The following IDE variants were observed in gnomAD, a reference collection of about 807,000 sequenced individuals.
The protein encoded by IDE is insulin-degrading enzyme.
In IDE, 58 loss-of-function variants were observed where a neutral mutation model predicts 133.2. That is an observed-to-expected ratio of 0.44 (90% confidence interval 0.35 to 0.54). IDE has a LOEUF of 0.54. Ranked by LOEUF, IDE falls within the 20% of genes least tolerant of loss-of-function variation. The pLI is 0.00. For missense variants in IDE, 981 were observed against 1,234.0 expected, an observed-to-expected ratio of 0.79 and a Z score of 3.07; for synonymous variants, 396 against 421.3, an observed-to-expected ratio of 0.94 and a Z score of 0.73.
At chr10:92,516,157 C>A (rs1371954114) in intron 4 of IDE, among the ~76,000 whole-genome samples, 1 of 149,246 alleles carries the variant, frequency 6.7e-6, no homozygotes, top group African/African-American at 2.5e-5. Flanking sequence ...TGCACTCTAG[C>A]CTGGGCAACA....
intron 21 of IDE, among the ~76,000 whole-genome samples, chr10:92,462,547 G>A (rs759389982): frequency 2.0e-5 from 3 of 151,924 alleles, no homozygotes; most frequent in Admixed American, 6.6e-5. Flanking sequence ...TGGAGGTTGC[G>A]GTGAGCCGGA....
At chr10:92,569,856 T>A (rs1843708657) in intron 1 of IDE, among the ~76,000 whole-genome samples, 1 of 152,174 alleles carries the variant, frequency 6.6e-6, no homozygotes, top group Non-Finnish European at 1.5e-5. Context: ...ACGCCTGTAA[T>A]CCGAGCACTT....
chr10:92,541,227 C>G (rs1842287809), intron 1 of IDE: 3 of 377,160 alleles, frequency 8.0e-6, no homozygotes, highest in Non-Finnish European at 1.7e-5. Context: ...CCTGGCAATC[C>G]TATTCAATAC....
chr10:92,557,895 G>T (rs972412709), intron 1 of IDE, among the ~76,000 whole-genome samples: 3 of 127,474 alleles, frequency 2.4e-5, no homozygotes, highest in African/African-American at 5.6e-5. Context: ...AAAAAAAAAG[G>T]ATGCAAAACA....
rs1456019335 is a variant in IDE at position 92,573,863 on chromosome 10, G to C, written c.98+59C>G. The stretch of plus-strand genomic sequence containing the variant: ...GTGCTGAATCACCACTTTGCAACCC[G>C]AGCGCCAAACCGCTGTGACCCACGG... On this transcript the variant is annotated intron_variant, in intron 1 of 24. Transcript: ENST00000265986. The C allele has an allele frequency of 3.3e-6, 4 of 1,204,216 alleles. No individual in the cohort carries two copies. In the African/African-American group the frequency reaches 4.9e-5, roughly 15 times the overall value. The allele number at this position is 1,204,216 out of a possible 1,614,324, so 74.6% of individuals were successfully genotyped here.
chr10:92,553,792 C>A (rs1842896096), intron 1 of IDE, among the ~76,000 whole-genome samples: 1 of 152,046 alleles, frequency 6.6e-6, no homozygotes, highest in South Asian at 2.1e-4. Context: ...ATGAAGAAAT[C>A]CAAAACCTGA....
chr10:92,512,836 AT>A, intron 5 of IDE, among the ~76,000 whole-genome samples: 1 of 152,350 alleles, frequency 6.6e-6, no homozygotes, highest in African/African-American at 2.4e-5. Flanking sequence ...AAAAGTTACC[AT>A]AATTTCATGA....
intron 14 of IDE, chr10:92,479,681 C>A (rs1231577484): frequency 3.0e-6 from 1 of 337,306 alleles, no homozygotes; most frequent in African/African-American, 2.1e-5. Flanking sequence ...GGAGAAGGAA[C>A]TGCCTACCCC....
At chr10:92,518,930 A>C (rs1205809801) in intron 4 of IDE, among the ~76,000 whole-genome samples, 1 of 152,196 alleles carries the variant, frequency 6.6e-6, no homozygotes, top group Admixed American at 6.5e-5. Context: ...TGTACACCGG[A>C]TGCTCAAAGT....
intron 4 of IDE, among the ~76,000 whole-genome samples, chr10:92,518,604 T>C (rs1280311027): frequency 6.6e-6 from 1 of 152,114 alleles, no homozygotes; most frequent in African/African-American, 2.4e-5. Context: ...GAAGTCTGTG[T>C]ACAAGGAGAC....
intron 4 of IDE, among the ~76,000 whole-genome samples, chr10:92,527,609 T>C (rs1043710523): frequency 6.6e-6 from 1 of 152,246 alleles, no homozygotes; most frequent in Non-Finnish European, 1.5e-5. Context: ...TTTATATCCA[T>C]TACATATTTC....
At chr10:92,489,012 A>AT (rs1442847111) in intron 12 of IDE, among the ~76,000 whole-genome samples, 1 of 147,718 alleles carries the variant, frequency 6.8e-6, no homozygotes, top group Non-Finnish European at 1.5e-5. Flanking sequence ...GGCCCTGTCT[A>AT]TTTAAAAAAA....
chr10:92,501,041 AG>A (rs1252523139), intron 11 of IDE, among the ~76,000 whole-genome samples: 7 of 147,884 alleles, frequency 4.7e-5, no homozygotes, highest in African/African-American at 1.7e-4. Context: ...ATCCTGTCTC[AG>A]AAAAAAAAAA....
chr10:92,487,348 G>T, intron 12 of IDE, 30 bp from the exon 13 acceptor site: 1 of 1,593,074 alleles, frequency 6.3e-7, no homozygotes. Flanking sequence ...CACAAATGCA[G>T]TAAGAGTCTG....
chr10:92,534,969 G>A (rs1052182520), intron 2 of IDE, among the ~76,000 whole-genome samples, 184 bp from the exon 3 acceptor site: 5 of 152,196 alleles, frequency 3.3e-5, no homozygotes, highest in African/African-American at 1.2e-4. Context: ...GGTTTCTAGT[G>A]CCTGCTCTTG....
chr10:92,550,647 T>C, intron 1 of IDE, among the ~76,000 whole-genome samples: 1 of 85,320 alleles, frequency 1.2e-5, no homozygotes, highest in Non-Finnish European at 2.2e-5. Context: ...CTAGACTCCG[T>C]CTCAAAAAAA....
At position 92,529,102 on chromosome 10, in the gene IDE, A is replaced by G. The variant is rs1049401736; in HGVS notation, c.661+2646T>C. ...AAAAAACAAAACAAAAAAACAAAAC[A>G]AAACAAAAAATCCCCTGATGAACAA... On this transcript the variant is annotated intron_variant, in intron 4 of 24. Coordinates refer to ENST00000265986, the MANE Select transcript of IDE (RefSeq NM_004969.4). Among the ~76,000 whole-genome samples the G allele has an allele frequency of 2.4e-4, 36 of 152,152 alleles. 1 individual carries two copies. Among genetic ancestry groups the G allele is most frequent in the African/African-American group, 8.7e-4 (36 of 41,534 alleles).
chr10:92,554,372 A>C (rs1842917286), intron 1 of IDE, among the ~76,000 whole-genome samples: 1 of 151,958 alleles, frequency 6.6e-6, no homozygotes, highest in Non-Finnish European at 1.5e-5. Context: ...TGGGCAACAC[A>C]GCAAGATACC....
At chr10:92,573,397 G>A (rs1370910473) in intron 1 of IDE, among the ~76,000 whole-genome samples, 2 of 152,180 alleles carry the variant, frequency 1.3e-5, no homozygotes, top group Non-Finnish European at 2.9e-5. Flanking sequence ...CAAGGCGGGA[G>A]GCAGGCAAAC....
Sources: gnomAD v4.1 joint callset for allele counts (sites outside exome capture counted in the v4.1 genomes callset) on GRCh38, gnomAD v4.1.1 for gene constraint, MANE v1.5 for transcripts, NCBI Gene and HGNC (gene_info 2026-07-23, HGNC 2026-07-21) for gene names.